The following TRPC7 variants were observed in gnomAD, a reference collection of about 807,000 sequenced individuals.
TRPC7 encodes transient receptor potential cation channel subfamily C member 7.
A neutral mutation model predicts 90.1 loss-of-function variants in TRPC7; 42 were observed. The observed-to-expected ratio is 0.47, with a 90% CI of 0.36 to 0.60. The LOEUF (loss-of-function observed/expected upper bound fraction) is 0.60, where lower values mean the gene tolerates loss of function less well. TRPC7 is among the 20% of genes least tolerant of loss of function. TRPC7 has a pLI of 0.00. For synonymous variants in TRPC7, 451 were observed against 436.3 expected, an observed-to-expected ratio of 1.03 and a Z score of -0.42; for missense variants, 955 against 1,112.3, an observed-to-expected ratio of 0.86 and a Z score of 2.01.
chr5:136,304,453 G>A (rs902126683), intron 3 of TRPC7, among the ~76,000 whole-genome samples: 4 of 152,076 alleles, frequency 2.6e-5, no homozygotes, highest in Non-Finnish European at 4.4e-5. Flanking sequence ...CAGAATCTGC[G>A]CCTTATCAAC....
intron 7 of TRPC7, among the ~76,000 whole-genome samples, chr5:136,240,675 T>C (rs914173759): frequency 2.6e-5 from 4 of 152,112 alleles, no homozygotes; most frequent in African/African-American, 7.2e-5. Flanking sequence ...GTGTGAGTGA[T>C]GGAAATTTTA....
Position 136,329,192 on chromosome 5 carries a change from CTG to C in TRPC7, c.781-13415_781-13414del, listed in dbSNP as rs995060127. Among the ~76,000 whole-genome samples the C allele has an allele frequency of 1.1e-4, 16 of 152,246 alleles. 1 individual carries two copies. In the East Asian group the frequency reaches 3.1e-3, roughly 29 times the overall value. The stretch of plus-strand genomic sequence containing the variant: ...TTGTTGTTTTTTTAACAAGTCCCCT[CTG>C]TTAGATTCAGAGGCTTGCTTGAGGA... On this transcript the variant is annotated intron_variant, in intron 2 of 11. Transcript: ENST00000513104.
chr5:136,310,634 A>G (rs953763916), intron 3 of TRPC7, among the ~76,000 whole-genome samples: 2 of 152,084 alleles, frequency 1.3e-5, no homozygotes, highest in Non-Finnish European at 2.9e-5. Context: ...GAGGCCCCCA[A>G]ACCAAGCTGC....
At chr5:136,328,369 C>T (rs147505951) in intron 2 of TRPC7, among the ~76,000 whole-genome samples, 1 of 152,310 alleles carries the variant, frequency 6.6e-6, no homozygotes, top group East Asian at 1.9e-4. Flanking sequence ...CTGCAGGAGG[C>T]TTTCCTTTAT....
chr5:136,365,294 C>CT lies in TRPC7; in HGVS notation c.-41_-40insA. On this transcript the variant is annotated 5_prime_UTR_variant, in exon 1 of 12. An upstream open reading frame in the 5' UTR loses its in-frame stop. Coordinates refer to ENST00000513104, the MANE Select transcript of TRPC7 (RefSeq NM_020389.3). ...GCAGGCTTGTTCCTCCTCTAGATGACCGGAATCCGGTGTTGAGTCGCCAGA... is the reference window on the plus strand; with the variant it reads ...GCAGGCTTGTTCCTCCTCTAGATGACTCGGAATCCGGTGTTGAGTCGCCAGA... 1 of 1,536,992 alleles carries CT rather than the reference C, an allele frequency of 6.5e-7. No individual in the cohort carries two copies. Among genetic ancestry groups the CT allele is most frequent in the Non-Finnish European group, 8.7e-7 (1 of 1,146,754 alleles).
At chr5:136,269,341 T>C (rs1449593735) in intron 4 of TRPC7, among the ~76,000 whole-genome samples, 1 of 152,198 alleles carries the variant, frequency 6.6e-6, no homozygotes. Context: ...TGCCCCTGAA[T>C]TGGCTCCAAG....
chr5:136,251,738 G>A lies in TRPC7; in HGVS notation c.1490C>T (p.Thr497Met), dbSNP rs983392738. The change falls in exon 6 of 12, where the codon ACG (threonine) becomes ATG (methionine). Residue 497 changes from threonine to methionine, a missense_variant. By Grantham distance (81) the Thr-to-Met change is moderately conservative. Around this residue, in one of 4 missense-constraint regions of TRPC7, gnomAD observed 484 missense variants for 509.6 expected, o/e 0.95. Transcript: ENST00000513104. ...TARFMAFLKATEAQLYVDQHV... is the reference protein window; with the variant it reads ...TARFMAFLKAMEAQLYVDQHV... ...CTGGTCCACGTACAGCTGTGCCTCC[G>A]TGGCCTTCAGGAAGGCCATGAAGCG... 4.3e-6 allele frequency: 7 copies of A among 1,613,840 alleles called. No homozygotes were observed. Among genetic ancestry groups the A allele is most frequent in the Admixed American group, 1.7e-5 (1 of 60,002 alleles).
At chr5:136,246,948 C>T (rs1008088660) in intron 7 of TRPC7, among the ~76,000 whole-genome samples, 6 of 152,292 alleles carry the variant, frequency 3.9e-5, no homozygotes, top group Admixed American at 3.9e-4. Context: ...CCCAAGAATA[C>T]TCGCCAGCAT....
intron 2 of TRPC7, among the ~76,000 whole-genome samples, chr5:136,351,740 C>G (rs1426156166): frequency 6.6e-6 from 1 of 152,172 alleles, no homozygotes; most frequent in Non-Finnish European, 1.5e-5. Context: ...TGGGATCTCT[C>G]TAGATATCAT....
intron 7 of TRPC7, among the ~76,000 whole-genome samples, chr5:136,232,206 T>C (rs1275234104): frequency 6.6e-6 from 1 of 152,190 alleles, no homozygotes; most frequent in South Asian, 2.1e-4. Flanking sequence ...CCCCAGAAAG[T>C]GCATTCTTCC....
At chr5:136,290,555 A>C (rs1220374329) in intron 3 of TRPC7, among the ~76,000 whole-genome samples, 1 of 152,196 alleles carries the variant, frequency 6.6e-6, no homozygotes, top group Non-Finnish European at 1.5e-5. Flanking sequence ...TGGAAGACAA[A>C]ATGAATGAAA....
chr5:136,221,841 T>A (rs1755469566), intron 10 of TRPC7, among the ~76,000 whole-genome samples: 1 of 152,148 alleles, frequency 6.6e-6, no homozygotes, highest in Non-Finnish European at 1.5e-5. Context: ...AGCATAAAGA[T>A]TGGAGTGTAT....
At chr5:136,363,950 A>G (rs576559903) in intron 1 of TRPC7, among the ~76,000 whole-genome samples, 1 of 152,292 alleles carries the variant, frequency 6.6e-6, no homozygotes, top group African/African-American at 2.4e-5. Context: ...TTTATTTTTA[A>G]AAAAGATTTT....
intron 2 of TRPC7, among the ~76,000 whole-genome samples, chr5:136,327,055 G>T (rs1186184237): frequency 6.6e-6 from 1 of 152,124 alleles, no homozygotes; most frequent in Non-Finnish European, 1.5e-5. Flanking sequence ...GGCAAGTGTT[G>T]GCTCACATAG....
intron 1 of TRPC7, among the ~76,000 whole-genome samples, chr5:136,365,023 T>C (rs1343755233): frequency 6.6e-6 from 1 of 152,052 alleles, no homozygotes; most frequent in African/African-American, 2.4e-5. Flanking sequence ...GCTACCGACA[T>C]GAGTTGTCCG....
At chr5:136,324,465 T>G (rs772735277) in intron 2 of TRPC7, among the ~76,000 whole-genome samples, 58 of 152,344 alleles carry the variant, frequency 3.8e-4, no homozygotes, top group Non-Finnish European at 6.0e-4. Flanking sequence ...TATTTATTTC[T>G]TGCTCTCTGT....
chr5:136,295,982 C>A (rs778938654), intron 3 of TRPC7, among the ~76,000 whole-genome samples: 3 of 152,184 alleles, frequency 2.0e-5, no homozygotes, highest in Non-Finnish European at 2.9e-5. Context: ...TGAAGTGAAG[C>A]TACTTACAGT....
chr5:136,350,939 T>C (rs888220113), intron 2 of TRPC7, among the ~76,000 whole-genome samples: 1 of 152,224 alleles, frequency 6.6e-6, no homozygotes, highest in African/African-American at 2.4e-5. Context: ...ATTGGTTCCA[T>C]GACCTTCCTC....
intron 3 of TRPC7, among the ~76,000 whole-genome samples, chr5:136,275,946 G>GGA (rs1580890041): frequency 1.3e-5 from 2 of 152,124 alleles, no homozygotes; most frequent in East Asian, 3.9e-4. Flanking sequence ...ACCTCTTTAG[G>GGA]GCCCAGCTCC....
Sources: gnomAD v4.1 joint callset for allele counts (sites outside exome capture counted in the v4.1 genomes callset) on GRCh38, gnomAD v4.1.1 for gene constraint, gnomAD v4.1.1 regional missense constraint, MANE v1.5 for transcripts, NCBI Gene and HGNC (gene_info 2026-07-23, HGNC 2026-07-21) for gene names.